ESR1: variants seen among roughly 807,000 people sequenced by gnomAD.
ESR1 encodes the protein estrogen receptor 1, also known as estrogen receptor.
In ESR1, 12 loss-of-function variants were observed where a neutral mutation model predicts 52.7. The ratio of observed to expected loss-of-function variants is 0.23; its 90% CI spans 0.15 to 0.37. ESR1 has a LOEUF of 0.37. ESR1 is among the 10% of genes least tolerant of loss of function. ESR1 has a pLI of 1.00. For synonymous variants in ESR1, 305 were observed against 316.8 expected (o/e 0.96, Z 0.39); for missense variants, 584 against 779.7 (o/e 0.75, Z 2.99).
intron 6 of ESR1, among the ~76,000 whole-genome samples, chr6:152,063,256 T>C (rs1034999610): frequency 6.6e-6 from 1 of 152,212 alleles, no homozygotes; most frequent in Non-Finnish European, 1.5e-5. Flanking sequence ...AGAAACGCTA[T>C]TGTAGAAATT....
At chr6:151,712,317 T>C (rs1780676889) in intron 2 of ESR1, among the ~76,000 whole-genome samples, 1 of 152,210 alleles carries the variant, frequency 6.6e-6, no homozygotes, top group Non-Finnish European at 1.5e-5. Context: ...TTTTCTTGGC[T>C]ATACGGGCTT....
intron 4 of ESR1, among the ~76,000 whole-genome samples, chr6:151,986,085 G>A (rs1224139647): frequency 6.6e-6 from 1 of 152,046 alleles, no homozygotes; most frequent in East Asian, 1.9e-4. Flanking sequence ...TGATGTGTGT[G>A]GTCTGGGTGA....
intron 1 of ESR1, among the ~76,000 whole-genome samples, chr6:151,830,215 G>A (rs1003874611): frequency 2.0e-4 from 31 of 152,106 alleles, no homozygotes; most frequent in Non-Finnish European, 8.8e-5. Flanking sequence ...TCTGCCTTGA[G>A]GTGTCAGCTT....
intron 6 of ESR1, among the ~76,000 whole-genome samples, chr6:152,121,518 A>C (rs2051376839): frequency 6.6e-6 from 1 of 152,200 alleles, no homozygotes; most frequent in African/African-American, 2.4e-5. Flanking sequence ...GGGGTCTTCT[A>C]TGTCTAAATC....
At chr6:152,041,757 T>C (rs554802892) in intron 5 of ESR1, among the ~76,000 whole-genome samples, 1 of 152,340 alleles carries the variant, frequency 6.6e-6, no homozygotes, top group Admixed American at 6.5e-5. Flanking sequence ...GGAGAATCGA[T>C]ATACCCCTGA....
At chr6:151,850,126 G>T (rs1290770543) in intron 2 of ESR1, among the ~76,000 whole-genome samples, 1 of 1,812 alleles carries the variant, frequency 5.5e-4, no homozygotes, top group Non-Finnish European at 1.2e-3. Flanking sequence ...ATATATATAT[G>T]TCTGGTACAG....
intron 2 of ESR1, among the ~76,000 whole-genome samples, chr6:151,781,595 C>CCCTAA (rs1341682408): frequency 6.6e-6 from 1 of 152,162 alleles, no homozygotes; most frequent in Non-Finnish European, 1.5e-5. Flanking sequence ...ATGTTTGATC[C>CCCTAA]CCTACATCCC....
At chr6:151,929,840 G>A (rs12154179) in intron 3 of ESR1, among the ~76,000 whole-genome samples, 88,928 of 151,918 alleles carry the variant, frequency 0.59, 27,253 homozygotes, top group Middle Eastern at 0.75. Flanking sequence ...TAAAGCAAGT[G>A]TTGATATATT....
chr6:152,034,129 C>G (rs1288592779), intron 5 of ESR1, among the ~76,000 whole-genome samples: 1 of 108,908 alleles, frequency 9.2e-6, no homozygotes, highest in Non-Finnish European at 1.7e-5. Context: ...CATCACACAC[C>G]GGGGCCTTTT....
intron 5 of ESR1, among the ~76,000 whole-genome samples, chr6:152,050,806 A>G (rs1661697573): frequency 6.6e-6 from 1 of 152,236 alleles, no homozygotes; most frequent in Non-Finnish European, 1.5e-5. Context: ...GTTGTTGAAG[A>G]GTCAGAAACA....
chr6:151,935,388 A>C (rs1251404677), intron 3 of ESR1, among the ~76,000 whole-genome samples: 1 of 152,236 alleles, frequency 6.6e-6, no homozygotes, highest in Admixed American at 6.5e-5. Flanking sequence ...AGCAGCCAGC[A>C]CTTCACCAGT....
At chr6:151,912,624 G>A (rs866039126) in intron 3 of ESR1, among the ~76,000 whole-genome samples, 4 of 152,068 alleles carry the variant, frequency 2.6e-5, no homozygotes, top group East Asian at 1.9e-4. Context: ...TAATACATCC[G>A]TATAAACATC....
intron 4 of ESR1, among the ~76,000 whole-genome samples, chr6:151,956,843 A>AATAAATATATGTATAT (rs1554293623): frequency 4.5e-5 from 2 of 44,466 alleles, no homozygotes; most frequent in South Asian, 8.6e-4. Context: ...AATATAAATA[A>AATAAATATATGTATAT]ATATATATAT....
chr6:151,902,940 A>G (rs898665455), intron 3 of ESR1, among the ~76,000 whole-genome samples: 1 of 152,190 alleles, frequency 6.6e-6, no homozygotes, highest in South Asian at 2.1e-4. Flanking sequence ...GATACATAAA[A>G]TGCAGTACCT....
At chr6:151,658,702 T>TA (rs57210219) in intron 1 of ESR1, among the ~76,000 whole-genome samples, 64,920 of 151,984 alleles carry the variant, frequency 0.43, 14,230 homozygotes, top group East Asian at 0.76. Flanking sequence ...TATCATATCT[T>TA]AGCACCTTCT....
chr6:151,746,620 T>G (rs1783502423), intron 2 of ESR1, among the ~76,000 whole-genome samples: 1 of 152,226 alleles, frequency 6.6e-6, no homozygotes, highest in African/African-American at 2.4e-5. Context: ...ATACAAAGAT[T>G]ATCTTAACTG....
At chr6:151,739,548 C>G (rs1348733789) in intron 2 of ESR1, among the ~76,000 whole-genome samples, 1 of 152,218 alleles carries the variant, frequency 6.6e-6, no homozygotes, top group Non-Finnish European at 1.5e-5. Flanking sequence ...ATGACTATAA[C>G]CATTTTCAAA....
At chr6:151,887,195 G>C (rs1269309760) in intron 3 of ESR1, among the ~76,000 whole-genome samples, 1 of 151,986 alleles carries the variant, frequency 6.6e-6, no homozygotes, top group African/African-American at 2.4e-5. Context: ...TTCCTCAAAA[G>C]GTAGGTTGGG....
intron 6 of ESR1, among the ~76,000 whole-genome samples, chr6:152,063,655 A>G (rs2047728056): frequency 1.3e-5 from 2 of 152,180 alleles, no homozygotes; most frequent in Non-Finnish European, 2.9e-5. Context: ...GATTTTTCTA[A>G]AAGTCCAACT....
Sources: gnomAD v4.1 joint callset for allele counts (sites outside exome capture counted in the v4.1 genomes callset) on GRCh38, gnomAD v4.1.1 for gene constraint, MANE v1.5 for transcripts, NCBI Gene and HGNC (gene_info 2026-07-23, HGNC 2026-07-21) for gene names.